The following VWA8 variants were observed in gnomAD, a reference collection of about 807,000 sequenced individuals.
The protein encoded by VWA8 is von Willebrand factor A domain containing 8.
VWA8 carries 221 observed loss-of-function variants against 241.5 expected under a neutral mutation model. The observed-to-expected ratio is 0.91, with a 90% CI of 0.82 to 1.02. The LOEUF is 1.02. Among genes scored for constraint, VWA8 ranks in the 50% least tolerant of loss-of-function variants. The pLI is 0.00. For missense variants in VWA8, 2,322 were observed against 2,328.7 expected, an observed-to-expected ratio of 1.00 and a Z score of 0.06; for synonymous variants, 852 against 827.1, an observed-to-expected ratio of 1.03 and a Z score of -0.52.
At chr13:41,810,708 C>T (rs1425695659) in intron 17 of VWA8, among the ~76,000 whole-genome samples, 1 of 151,824 alleles carries the variant, frequency 6.6e-6, no homozygotes, top group African/African-American at 2.4e-5. Flanking sequence ...GATAGCATAA[C>T]AAGGTGACTA....
intron 36 of VWA8, among the ~76,000 whole-genome samples, chr13:41,673,621 C>T (rs1422536786): frequency 6.6e-6 from 1 of 152,106 alleles, no homozygotes; most frequent in Non-Finnish European, 1.5e-5. Context: ...TTAAAAATTT[C>T]ATATTGACTA....
At chr13:41,568,770 CTCTT>C (rs1393840448) in intron 44 of VWA8, among the ~76,000 whole-genome samples, 1 of 152,180 alleles carries the variant, frequency 6.6e-6, no homozygotes, top group Non-Finnish European at 1.5e-5. Context: ...GGTTCTTTCT[CTCTT>C]TCTTTGCCTC....
Position 41,830,069 on chromosome 13 carries a change from T to C in VWA8, c.1700+460A>G, listed in dbSNP as rs191421221. ...CATCCTGGCTAACAAGGTGAAACCCTGTCTCTACTAAAAAATACAAAAAAT... is the reference window on the plus strand; with the variant it reads ...CATCCTGGCTAACAAGGTGAAACCCCGTCTCTACTAAAAAATACAAAAAAT... On this transcript the variant is annotated intron_variant, in intron 14 of 44. Coordinates refer to ENST00000379310, the MANE Select transcript of VWA8 (RefSeq NM_015058.2). 7.6e-4 allele frequency among the ~76,000 whole-genome samples: 116 copies of C among 152,120 alleles called. 1 individual carries two copies. Among genetic ancestry groups the C allele is most frequent in the Admixed American group, 2.2e-3 (33 of 15,272 alleles).
At chr13:41,584,769 T>C (rs2044405787) in intron 42 of VWA8, among the ~76,000 whole-genome samples, 1 of 152,200 alleles carries the variant, frequency 6.6e-6, no homozygotes. Flanking sequence ...GGTTGTCTTC[T>C]CAATATATCT....
chr13:41,704,806 G>T (rs889436847), intron 26 of VWA8, among the ~76,000 whole-genome samples: 56 of 152,066 alleles, frequency 3.7e-4, no homozygotes, highest in African/African-American at 1.3e-3. Flanking sequence ...TTTAAAATAG[G>T]AACCATTGAT....
At chr13:41,771,886 C>CT (rs10639837) in intron 20 of VWA8, among the ~76,000 whole-genome samples, 4,649 of 100,232 alleles carry the variant, frequency 0.046, 411 homozygotes, top group African/African-American at 0.15. Flanking sequence ...CCAGCAGGGA[C>CT]TTTTTTTTTT....
intron 43 of VWA8, among the ~76,000 whole-genome samples, chr13:41,573,471 G>GT (rs1307009952): frequency 1.1e-5 from 1 of 90,506 alleles, no homozygotes; most frequent in Non-Finnish European, 1.9e-5. Context: ...GGTGGCTATA[G>GT]TTTAAAAAAA....
At chr13:41,636,485 C>T (rs938278740) in intron 37 of VWA8, among the ~76,000 whole-genome samples, 5 of 152,140 alleles carry the variant, frequency 3.3e-5, no homozygotes, top group African/African-American at 1.2e-4. Context: ...TAGAAGAAAA[C>T]CTAGGCAATA....
chr13:41,703,463 G>T, intron 26 of VWA8, 52 bp from the exon 27 acceptor site: 1 of 1,528,192 alleles, frequency 6.5e-7, no homozygotes, highest in South Asian at 1.1e-5. Flanking sequence ...CCAAGTCATA[G>T]AAAAAAATAA....
chr13:41,814,773 T>C (rs2137978682), intron 16 of VWA8, among the ~76,000 whole-genome samples: 1 of 152,236 alleles, frequency 6.6e-6, no homozygotes, highest in East Asian at 1.9e-4. Context: ...ATTGCCAACA[T>C]TTGCAACTTT....
intron 14 of VWA8, among the ~76,000 whole-genome samples, chr13:41,822,252 T>C (rs978386191): frequency 3.9e-5 from 6 of 152,152 alleles, no homozygotes; most frequent in African/African-American, 1.4e-4. Flanking sequence ...TACATTTTCA[T>C]TGAATTTGTA....
chr13:41,898,160 A>T (rs1241127603), intron 4 of VWA8, among the ~76,000 whole-genome samples: 2 of 149,196 alleles, frequency 1.3e-5, no homozygotes, highest in East Asian at 4.0e-4. Flanking sequence ...CTGAGTGCCG[A>T]TTGGTGTATT....
chr13:41,789,467 C>G (rs1341156243), intron 17 of VWA8, among the ~76,000 whole-genome samples: 1 of 151,594 alleles, frequency 6.6e-6, no homozygotes, highest in Non-Finnish European at 1.5e-5. Flanking sequence ...ATTCATTTTA[C>G]CAACAAAAAA....
chr13:41,640,063 C>T (rs1045797815), intron 37 of VWA8, among the ~76,000 whole-genome samples: 7 of 152,122 alleles, frequency 4.6e-5, no homozygotes, highest in Non-Finnish European at 8.8e-5. Context: ...CAAGAGAGCC[C>T]TATGTAGCCA....
At chr13:41,905,922 C>G (rs1229258723) in intron 4 of VWA8, among the ~76,000 whole-genome samples, 1 of 151,980 alleles carries the variant, frequency 6.6e-6, no homozygotes, top group Admixed American at 6.6e-5. Context: ...ATTATTTTTT[C>G]CCATTTGTAA....
intron 14 of VWA8, among the ~76,000 whole-genome samples, chr13:41,823,955 C>T (rs1871071483): frequency 6.6e-6 from 1 of 152,156 alleles, no homozygotes; most frequent in African/African-American, 2.4e-5. Flanking sequence ...TAGACTTTGT[C>T]ATTAAAAGGC....
rs1236188354 is a variant in VWA8, at chr13:41,758,398, GTATATA to G, written c.2426+2724_2426+2729del. On this transcript the variant is annotated intron_variant, in intron 21 of 44. Coordinates refer to ENST00000379310, the MANE Select transcript of VWA8 (RefSeq NM_015058.2). ...TATATATATATATATATATACGCTA[GTATATA>G]TATATATATATATATATATATATAT... 3.2e-3 allele frequency among the ~76,000 whole-genome samples: 81 copies of G among 24,992 alleles called. 2 individuals carry two copies. The highest frequency in any genetic ancestry group is 0.031 in the Middle Eastern group (1 of 32). 16.4% of individuals were successfully genotyped at this position (24,992 alleles called of 152,430 possible). A position where few individuals can be genotyped will look rare whatever the true frequency, so the allele number is the denominator to read the frequency against.
chr13:41,771,886 C>CTTT (rs10639837), intron 20 of VWA8, among the ~76,000 whole-genome samples: 23,374 of 99,946 alleles, frequency 0.23, 3,682 homozygotes, highest in Non-Finnish European at 0.32. Flanking sequence ...CCAGCAGGGA[C>CTTT]TTTTTTTTTT....
intron 26 of VWA8, among the ~76,000 whole-genome samples, chr13:41,715,345 T>C (rs566629398): frequency 1.3e-5 from 2 of 152,110 alleles, no homozygotes; most frequent in Admixed American, 1.3e-4. Flanking sequence ...AAATGACAAT[T>C]TTCTCATCTT....
Sources: allele counts gnomAD v4.1 joint callset (sites outside exome capture counted in the v4.1 genomes callset), GRCh38; gene constraint gnomAD v4.1.1; transcripts MANE v1.5; gene names NCBI Gene and HGNC (gene_info 2026-07-23, HGNC 2026-07-21).